Variants in TTC38 observed in about 807,000 individuals in gnomAD.
TTC38 encodes the protein tetratricopeptide repeat domain 38.
A neutral mutation model predicts 64.2 loss-of-function variants in TTC38; 64 were observed. The ratio of observed to expected loss-of-function variants is 1.00; its 90% confidence interval spans 0.81 to 1.23. The LOEUF (loss-of-function observed/expected upper bound fraction) is 1.23. Ranked by LOEUF, TTC38 falls within the 50% of genes most tolerant of loss-of-function variation. The probability of loss-of-function intolerance (pLI) is 0.00; values close to 1 mark genes in which losing one functional copy is unlikely to be tolerated. For synonymous variants in TTC38, 254 were observed against 249.3 expected (o/e 1.02, Z -0.18); for missense variants, 573 against 615.5 (o/e 0.93, Z 0.73).
intron 2 of TTC38, 177 bp downstream of exon 2, chr22:46,268,768 T>A (rs1936822740): frequency 1.7e-6 from 1 of 599,954 alleles, no homozygotes; most frequent in Admixed American, 2.9e-5. Context: ...CACTGCAAGC[T>A]TTGCCTCCCG....
chr22:46,278,062 T>C (rs2077506339), intron 5 of TTC38, among the ~76,000 whole-genome samples: 1 of 152,176 alleles, frequency 6.6e-6, no homozygotes, highest in African/African-American at 2.4e-5. Context: ...GTCAGAAGCA[T>C]GGAATTGCTG....
intron 8 of TTC38, 149 bp downstream of exon 8, chr22:46,284,181 CT>C: frequency 1.5e-6 from 1 of 659,528 alleles, no homozygotes; most frequent in Non-Finnish European, 2.6e-6. Context: ...AGGCTTCAAC[CT>C]TTTTAGGGAT....
rs1179820362 is a variant in TTC38 at position 46,273,916 on chromosome 22, C to T, written c.212C>T (p.Ala71Val). The change falls in exon 4 of 14, where the codon GCT (alanine) becomes GTT (valine). Residue 71 changes from alanine (A) to valine (V), a missense_variant. Ala to Val is a moderately conservative substitution (Grantham distance 64). Around this residue, in one of 3 missense-constraint regions of TTC38, gnomAD observed 134 missense variants for 126.5 expected, o/e 1.06. Transcript: ENST00000381031. The surrounding 1 kb of genome is among the most constrained non-coding windows in gnomAD (Gnocchi z 5.1). ...CCACCAGTGATGGGCCACGCCATGG[C>T]TACTGGCCTTGTGCTGATTGGCACT... The part of the protein sequence containing the change: ...DPTFVMGHAM[A>V]TGLVLIGTGS... 1 of 1,614,250 alleles carries T rather than the reference C, an allele frequency of 6.2e-7. No individual in the cohort carries two copies. Among genetic ancestry groups the T allele is most frequent in the Non-Finnish European group, 8.5e-7 (1 of 1,180,050 alleles).
Position 46,288,554 on chromosome 22 carries a change from CAG to C in TTC38, c.1049_1050del (p.Gln350ArgfsTer37), listed in dbSNP as rs754694202. 40 of 1,613,888 alleles carry C rather than the reference CAG, an allele frequency of 2.5e-5. No individual in the cohort carries two copies. The highest frequency in any genetic ancestry group is 1.3e-4 in the Admixed American group (8 of 60,010). On this transcript the variant is annotated frameshift_variant, in exon 11 of 14. Transcript: ENST00000381031. LOFTEE classifies it high-confidence loss of function. ...SLGAHDPQTT[Q>X]ELLTTLRDAS... ...GGGTGCACACGACCCCCAGACCACA[CAG>C]GAGCTGCTGACCACCCTGCGGGACG... is the stretch of plus-strand genomic sequence containing the variant.
intron 11 of TTC38, 131 bp from the exon 12 acceptor site, chr22:46,289,271 C>A: frequency 8.4e-7 from 1 of 1,191,200 alleles, no homozygotes; most frequent in Non-Finnish European, 1.2e-6. Flanking sequence ...CCCCGCCTGT[C>A]ACCTCACCTC....
chr22:46,268,400 C>A, intron 1 of TTC38, 114 bp from the exon 2 acceptor site: 2 of 1,159,134 alleles, frequency 1.7e-6, no homozygotes, highest in Non-Finnish European at 1.3e-6. Flanking sequence ...GGAGCCTGAG[C>A]CCATTTTACA....
chr22:46,268,195 C>T (rs1936805133), intron 1 of TTC38, 123 bp downstream of exon 1: 8 of 1,110,044 alleles, frequency 7.2e-6, no homozygotes, highest in South Asian at 1.6e-5. Flanking sequence ...CCTGGGCGCA[C>T]GGGCGCGTCC....
At chr22:46,287,037 AC>A (rs2077576240) in intron 9 of TTC38, 35 bp from the exon 10 acceptor site, 7 of 1,551,792 alleles carry the variant, frequency 4.5e-6, no homozygotes, top group Non-Finnish European at 6.1e-6. Flanking sequence ...CATCTGGGCC[AC>A]CCGCTGAGCC....
At chr22:46,288,276 C>G (rs931661311) in intron 10 of TTC38, 147 bp from the exon 11 acceptor site, 3 of 717,010 alleles carry the variant, frequency 4.2e-6, no homozygotes, top group Non-Finnish European at 7.0e-6. Context: ...AGGCCAGACG[C>G]TGCCCGTGGC....
Position 46,288,568 on chromosome 22 carries a change from C to A in TTC38, c.1062C>A (p.Thr354=). Residue 354 remains threonine (T), a synonymous_variant, in exon 11 of 14, where the codon ACC becomes ACA. Transcript: ENST00000381031. The part of the protein sequence containing the change: ...HDPQTTQELL[T]TLRDASESPG... Reference sequence around the variant, plus strand: ...CCCAGACCACACAGGAGCTGCTGACCACCCTGCGGGACGCCAGCGAGTATG... The same window carrying A: ...CCCAGACCACACAGGAGCTGCTGACAACCCTGCGGGACGCCAGCGAGTATG... The A allele has an allele frequency of 6.2e-7, 1 of 1,613,634 alleles. No homozygotes were observed. The highest frequency in any genetic ancestry group is 8.5e-7 in the Non-Finnish European group (1 of 1,179,696).
intron 11 of TTC38, 149 bp downstream of exon 11, chr22:46,288,737 C>A (rs894647712): frequency 9.3e-6 from 7 of 753,114 alleles, no homozygotes; most frequent in Non-Finnish European, 1.5e-5. Context: ...CAGGTGTGCA[C>A]CCCTATAGAT....
chr22:46,289,595 G>T, intron 12 of TTC38, 34 bp downstream of exon 12: 1 of 1,556,048 alleles, frequency 6.4e-7, no homozygotes. Flanking sequence ...GGTGCCTAGG[G>T]CCTGGGCCAG....
chr22:46,284,124 T>C, intron 8 of TTC38, 92 bp downstream of exon 8: 1 of 1,071,746 alleles, frequency 9.3e-7, no homozygotes, highest in Non-Finnish European at 1.4e-6. Context: ...TTCACATCCG[T>C]TGGAGCCCTG....
In TTC38 at chr22:46,272,725, G is replaced by C. The variant is rs1472628009; in HGVS notation, c.193+309G>C. Among the ~76,000 whole-genome samples, 1 of 152,200 alleles carries C rather than the reference G, an allele frequency of 6.6e-6. No homozygotes were observed. The highest frequency in any genetic ancestry group is 1.5e-5 in the Non-Finnish European group (1 of 68,048). On this transcript the variant is annotated intron_variant, in intron 3 of 13. Transcript: ENST00000381031. The surrounding 1 kb of genome is among the most constrained non-coding windows in gnomAD (Gnocchi z 6.4). Reference sequence around the variant, plus strand: ...ACTGAGGGTTGGCAAGAGTAAGACTGTACTTAAAGCCACCCAGCTGGTGGT... The same window carrying C: ...ACTGAGGGTTGGCAAGAGTAAGACTCTACTTAAAGCCACCCAGCTGGTGGT...
rs1415491049 is a variant in TTC38, at chr22:46,287,117, G to A, written c.879G>A (p.Val293=). The A allele has an allele frequency of 1.2e-5, 19 of 1,605,922 alleles. No individual in the cohort carries two copies. Among genetic ancestry groups the A allele is most frequent in the East Asian group, 2.2e-5 (1 of 44,792 alleles). Residue 293 remains valine (V), a synonymous_variant, in exon 10 of 14, where the codon GTG becomes GTA. Coordinates refer to ENST00000381031, the MANE Select transcript of TTC38 (RefSeq NM_017931.4). ...CCAACGATGCAATGCTGGACGTGGT[G>A]GACAGCTGCTCCATGCTCTACCGCC... ...LQANDAMLDV[V]DSCSMLYRLQ... is the part of the protein sequence containing the mutation.
chr22:46,289,690 C>G, intron 12 of TTC38, 129 bp downstream of exon 12: 2 of 1,455,440 alleles, frequency 1.4e-6, no homozygotes, highest in Non-Finnish European at 1.9e-6. Flanking sequence ...CTCACACTCC[C>G]GCCGTGTAAG....
In TTC38 at chr22:46,281,864, T is replaced by A; in HGVS notation, c.735+146T>A. 9.2e-7 allele frequency: 1 copy of A among 1,092,544 alleles called. No homozygotes were observed. The allele number at this position is 1,092,544 out of a possible 1,614,324, so 67.7% of individuals were successfully genotyped here. A position where few individuals can be genotyped will look rare whatever the true frequency, so the allele number is the denominator to read the frequency against. ...CTCCACCTGCACCTGCCTCAGGTGTTTGGCTGCTGAGCAGAATGCAATCAA... is the reference window on the plus strand; with the variant it reads ...CTCCACCTGCACCTGCCTCAGGTGTATGGCTGCTGAGCAGAATGCAATCAA... On this transcript the variant is annotated intron_variant, in intron 7 of 13. Transcript: ENST00000381031. The surrounding 1 kb of genome is among the most constrained non-coding windows in gnomAD (Gnocchi z 5.2).
At chr22:46,288,642 G>C in intron 11 of TTC38, 54 bp downstream of exon 11, 1 of 1,560,550 alleles carries the variant, frequency 6.4e-7, no homozygotes, top group Non-Finnish European at 8.7e-7. Flanking sequence ...GAGAGGGTGA[G>C]GGGGTGCTAG....
Position 46,268,548 on chromosome 22 carries a change from C to T in TTC38, c.68C>T (p.Thr23Ile), listed in dbSNP as rs776322932. The T allele has an allele frequency of 1.2e-6, 2 of 1,613,996 alleles. No homozygotes were observed. Among genetic ancestry groups the T allele is most frequent in the African/African-American group, 1.3e-5 (1 of 74,952 alleles). The part of the protein sequence containing the change: ...WKDARLPLST[T>I]SNEACKLFDA... ...GATGCGAGGCTCCCGCTCTCCACCA[C>T]AAGCAACGAAGCCTGCAAGCTGTTC... Residue 23 changes from threonine (T) to isoleucine (I), a missense_variant, in exon 2 of 14, where the codon ACA becomes ATA. Physicochemically the swap from Thr to Ile is moderately conservative, Grantham distance 89. This residue lies in a region of TTC38 where 134 missense variants were observed against 126.5 expected (regional missense o/e 1.06). Transcript: ENST00000381031.
Sources: gnomAD v4.1 joint callset for allele counts (sites outside exome capture counted in the v4.1 genomes callset) on GRCh38, gnomAD v4.1.1 for gene constraint, gnomAD v4.1.1 regional missense constraint, Gnocchi (gnomAD v3.1) non-coding constraint, MANE v1.5 for transcripts, NCBI Gene and HGNC (gene_info 2026-07-23, HGNC 2026-07-21) for gene names.